The following ZNF251 variants were observed in gnomAD, a reference collection of about 807,000 sequenced individuals.
The protein encoded by ZNF251 is zinc finger protein 251.
In ZNF251, 14 loss-of-function variants were observed where a neutral mutation model predicts 13.5. The observed-to-expected ratio is 1.04, with a 90% CI of 0.69 to 1.63. The LOEUF (loss-of-function observed/expected upper bound fraction) is 1.63. ZNF251 is among the 40% of genes most tolerant of loss of function. The probability of loss-of-function intolerance (pLI) is 0.00; values close to 1 mark genes in which losing one functional copy is unlikely to be tolerated. For missense variants in ZNF251, 764 were observed against 834.9 expected (o/e 0.92, Z 1.05); for synonymous variants, 287 against 295.2 (o/e 0.97, Z 0.28).
Position 144,723,207 on chromosome 8 carries a change from G to GGCAGAATTTCCCACGCGCTC in ZNF251, c.433_452dup (p.Gly152SerfsTer11). On this transcript the variant is annotated frameshift_variant, in exon 5 of 5. Coordinates refer to ENST00000292562, the MANE Select transcript of ZNF251 (RefSeq NM_138367.2). LOFTEE classifies it low-confidence loss of function (END_TRUNC). ...TATTGGGTTTGTTCAAACTCTGCCC[G>GGCAGAATTTCCCACGCGCTC]GCAGAATTTCCCACGCGCTCTTTGA... 1 of 1,612,654 alleles carries GGCAGAATTTCCCACGCGCTC rather than the reference G, an allele frequency of 6.2e-7. No individual in the cohort carries two copies. The highest frequency in any genetic ancestry group is 2.2e-5 in the East Asian group (1 of 44,870).
intron 4 of ZNF251, among the ~76,000 whole-genome samples, chr8:144,730,411 A>C: frequency 4.4e-5 from 1 of 22,632 alleles, no homozygotes; most frequent in African/African-American, 2.1e-4. Context: ...CCCGGGGGTG[A>C]CACTGGCATG....
Position 144,754,546 on chromosome 8 carries a change from G to C in ZNF251, c.33+150C>G, listed in dbSNP as rs140602051. On this transcript the variant is annotated intron_variant, in intron 2 of 4. Transcript: ENST00000292562. The stretch of plus-strand genomic sequence containing the variant: ...AGAGCCCCTCTCCCTGCAGGAGGGC[G>C]AGTCTACCTCTCAGAACCCTTTCCT... 106 of 1,450,738 alleles carry C rather than the reference G, an allele frequency of 7.3e-5. No homozygotes were observed. The African/African-American group carries it at 1.4e-3, about 19-fold the overall frequency. The allele number at this position is 1,450,738 out of a possible 1,614,324, so 89.9% of individuals were successfully genotyped here. A position where few individuals can be genotyped will look rare whatever the true frequency, so the allele number is the denominator to read the frequency against.
chr8:144,729,368 G>A (rs570570352), intron 4 of ZNF251, among the ~76,000 whole-genome samples: 5,805 of 144,396 alleles, frequency 0.04, 191 homozygotes, highest in Non-Finnish European at 0.059. Context: ...ATAGAGTCTT[G>A]CTCTGTCGCC....
At chr8:144,743,394 C>T (rs1382567242) in intron 4 of ZNF251, among the ~76,000 whole-genome samples, 10 of 152,148 alleles carry the variant, frequency 6.6e-5, no homozygotes, top group Non-Finnish European at 1.0e-4. Flanking sequence ...GAATATGATC[C>T]CATTCTCTGG....
chr8:144,737,721 A>G (rs1053232651), intron 4 of ZNF251, among the ~76,000 whole-genome samples: 1 of 149,468 alleles, frequency 6.7e-6, no homozygotes, highest in African/African-American at 2.5e-5. Context: ...AGTCCCAGCT[A>G]CTTGGGAGGC....
At position 144,721,596 on chromosome 8, in the gene ZNF251, T is replaced by C; in HGVS notation, c.*48A>G. 1 of 1,306,380 alleles carries C rather than the reference T, an allele frequency of 7.7e-7. No homozygotes were observed. Among genetic ancestry groups the C allele is most frequent in the Non-Finnish European group, 9.8e-7 (1 of 1,017,480 alleles). The allele number at this position is 1,306,380 out of a possible 1,614,324, so 80.9% of individuals were successfully genotyped here. A position where few individuals can be genotyped will look rare whatever the true frequency, so the allele number is the denominator to read the frequency against. On this transcript the variant is annotated 3_prime_UTR_variant, in exon 5 of 5. Transcript: ENST00000292562. ...TATCTTTCATTATGCCATCTTATCTTCTAATGTCAAGTGAACAGTTGCTAA... is the reference window on the plus strand; with the variant it reads ...TATCTTTCATTATGCCATCTTATCTCCTAATGTCAAGTGAACAGTTGCTAA...
intron 4 of ZNF251, among the ~76,000 whole-genome samples, chr8:144,732,543 T>G (rs77237770): frequency 1.3e-5 from 2 of 152,052 alleles, no homozygotes; most frequent in Non-Finnish European, 2.9e-5. Flanking sequence ...CCGGGCGCGG[T>G]GGCTCACGCC....
At chr8:144,738,345 G>A (rs1213805142) in intron 4 of ZNF251, among the ~76,000 whole-genome samples, 2 of 152,164 alleles carry the variant, frequency 1.3e-5, no homozygotes, top group Non-Finnish European at 2.9e-5. Flanking sequence ...TATTGAGCTC[G>A]ATTAGAAACT....
chr8:144,754,372 T>A, intron 2 of ZNF251, 51 bp from the exon 3 acceptor site: 2 of 1,526,606 alleles, frequency 1.3e-6, no homozygotes, highest in Non-Finnish European at 1.8e-6. Context: ...GGCAGCAGCC[T>A]GCACTAAAAG....
chr8:144,730,784 C>A (rs1404455204), intron 4 of ZNF251, among the ~76,000 whole-genome samples: 3 of 152,212 alleles, frequency 2.0e-5, no homozygotes, highest in African/African-American at 4.8e-5. Flanking sequence ...TTCTTGGACA[C>A]CCCCGAAACA....
At chr8:144,754,418 C>T (rs1447383966) in intron 2 of ZNF251, 97 bp from the exon 3 acceptor site, 3 of 1,463,310 alleles carry the variant, frequency 2.1e-6, no homozygotes, top group Admixed American at 2.7e-5. Context: ...ACCCAGGGCC[C>T]TGCTGTGGTC....
chr8:144,740,035 C>T (rs1398177543), intron 4 of ZNF251, among the ~76,000 whole-genome samples: 1 of 152,186 alleles, frequency 6.6e-6, no homozygotes, highest in African/African-American at 2.4e-5. Context: ...CCTGTAATCC[C>T]AGCACTTTGG....
chr8:144,732,285 C>G (rs1364935937), intron 4 of ZNF251, among the ~76,000 whole-genome samples: 1 of 152,082 alleles, frequency 6.6e-6, no homozygotes, highest in Non-Finnish European at 1.5e-5. Context: ...CATGATGGGT[C>G]TGGTAGAGGG....
At chr8:144,739,565 T>C (rs901333972) in intron 4 of ZNF251, among the ~76,000 whole-genome samples, 1 of 152,082 alleles carries the variant, frequency 6.6e-6, no homozygotes, top group African/African-American at 2.4e-5. Flanking sequence ...ATGAACTACA[T>C]AGCAACAAAA....
At chr8:144,731,183 A>G (rs1330625647) in intron 4 of ZNF251, among the ~76,000 whole-genome samples, 2 of 152,238 alleles carry the variant, frequency 1.3e-5, no homozygotes, top group Non-Finnish European at 2.9e-5. Flanking sequence ...AGTCTGGCAC[A>G]AACCACACAC....
chr8:144,740,049 G>A (rs1824084928), intron 4 of ZNF251, among the ~76,000 whole-genome samples: 2 of 152,194 alleles, frequency 1.3e-5, no homozygotes, highest in African/African-American at 2.4e-5. Flanking sequence ...ACTTTGGGAG[G>A]CCGAGGCGGG....
At chr8:144,737,603 C>A (rs71520589) in intron 4 of ZNF251, among the ~76,000 whole-genome samples, 1 of 151,870 alleles carries the variant, frequency 6.6e-6, no homozygotes, top group Admixed American at 6.6e-5. Flanking sequence ...GAGGCCAAGG[C>A]GGGTGGATCA....
chr8:144,733,996 G>A (rs1379654926), intron 4 of ZNF251, among the ~76,000 whole-genome samples: 2 of 152,214 alleles, frequency 1.3e-5, no homozygotes, highest in Non-Finnish European at 1.5e-5. Context: ...GGTCTGTTCC[G>A]CAGCCGGCAG....
At chr8:144,724,261 CAAAAAAAAAAAA>C (rs1175216003) in intron 4 of ZNF251, among the ~76,000 whole-genome samples, 5 of 35,874 alleles carry the variant, frequency 1.4e-4, no homozygotes, top group Admixed American at 2.9e-4. Flanking sequence ...GACTCCGTCT[CAAAAAAAAAAAA>C]AAAAAAAAAA....
Sources: allele counts gnomAD v4.1 joint callset (sites outside exome capture counted in the v4.1 genomes callset), GRCh38; gene constraint gnomAD v4.1.1; transcripts MANE v1.5; gene names NCBI Gene and HGNC (gene_info 2026-07-23, HGNC 2026-07-21).